RBFOX1: variants seen among roughly 807,000 people sequenced by gnomAD.
The protein encoded by RBFOX1 is RNA binding fox-1 homolog 1.
A neutral mutation model predicts 57.7 loss-of-function variants in RBFOX1; 8 were observed. The observed-to-expected ratio is 0.14, with a 90% CI of 0.08 to 0.25. The LOEUF (loss-of-function observed/expected upper bound fraction) is 0.25. RBFOX1 is among the 10% of genes least tolerant of loss of function. The pLI, the probability that RBFOX1 is intolerant of heterozygous loss-of-function variation, is 1.00. For synonymous variants in RBFOX1, 326 were observed against 222.4 expected (o/e 1.47, Z -4.15); for missense variants, 611 against 548.5 (o/e 1.11, Z -1.14).
chr16:6,359,613 C>A (rs981038019), intron 2 of RBFOX1, among the ~76,000 whole-genome samples: 2 of 152,148 alleles, frequency 1.3e-5, no homozygotes, highest in Non-Finnish European at 2.9e-5. Flanking sequence ...AGCACTTGAA[C>A]CAGAAAACAT....
At chr16:7,277,294 C>A (rs1433200835) in intron 4 of RBFOX1, among the ~76,000 whole-genome samples, 1 of 152,100 alleles carries the variant, frequency 6.6e-6, no homozygotes, top group African/African-American at 2.4e-5. Flanking sequence ...TGATATTCTA[C>A]TGCAATGCAT....
At chr16:7,001,678 A>C (rs1447666265) in intron 3 of RBFOX1, among the ~76,000 whole-genome samples, 1 of 151,990 alleles carries the variant, frequency 6.6e-6, no homozygotes, top group Non-Finnish European at 1.5e-5. Context: ...GGTGGTCTCA[A>C]ACTCCTGACC....
rs567435304 is a variant in RBFOX1, at chr16:5,695,755, C to A, written c.318+96794C>A. Among the ~76,000 whole-genome samples, 15 of 152,234 alleles carry A rather than the reference C, an allele frequency of 9.9e-5. 1 individual carries two copies. In the South Asian group the frequency reaches 1.5e-3, roughly 15 times the overall value. On this transcript the variant is annotated intron_variant, in intron 3 of 19. Coordinates refer to the RBFOX1 transcript ENST00000641259. ...CTAGTGGACAGCACAGGACTTAATA[C>A]TTGTAATACTTACTAGTTTTGTATA...
intron 3 of RBFOX1, among the ~76,000 whole-genome samples, chr16:6,838,951 A>C (rs75898082): frequency 6.6e-6 from 1 of 151,870 alleles, no homozygotes; most frequent in South Asian, 2.1e-4. Flanking sequence ...TTTTTTTAAG[A>C]AAAAATAAGG....
At chr16:6,602,654 G>C (rs772631113) in intron 2 of RBFOX1, among the ~76,000 whole-genome samples, 1 of 152,174 alleles carries the variant, frequency 6.6e-6, no homozygotes, top group African/African-American at 2.4e-5. Flanking sequence ...AGGTGGCCAG[G>C]TACTCACTGA....
At chr16:7,649,402 A>G (rs1425261227) in intron 11 of RBFOX1, among the ~76,000 whole-genome samples, 1 of 152,222 alleles carries the variant, frequency 6.6e-6, no homozygotes, top group Non-Finnish European at 1.5e-5. Flanking sequence ...TAGTAAACAT[A>G]ATCAATCTGT....
intron 4 of RBFOX1, among the ~76,000 whole-genome samples, chr16:7,366,777 G>C (rs1187040062): frequency 6.6e-6 from 1 of 151,982 alleles, no homozygotes; most frequent in African/African-American, 2.4e-5. Flanking sequence ...AACACATAAA[G>C]GGATTAAAGA....
intron 2 of RBFOX1, among the ~76,000 whole-genome samples, chr16:5,531,321 C>T (rs2044470075): frequency 6.6e-6 from 1 of 151,950 alleles, no homozygotes; most frequent in Non-Finnish European, 1.5e-5. Flanking sequence ...TTGTTAAATC[C>T]TGGGAAATTT....
At chr16:6,743,494 C>A (rs549306146) in intron 3 of RBFOX1, among the ~76,000 whole-genome samples, 1 of 152,154 alleles carries the variant, frequency 6.6e-6, no homozygotes, top group African/African-American at 2.4e-5. Flanking sequence ...GTAGTCCCAG[C>A]ACTTTGGGAG....
intron 14 of RBFOX1, among the ~76,000 whole-genome samples, chr16:7,685,712 A>C (rs1212572318): frequency 6.6e-6 from 1 of 152,138 alleles, no homozygotes; most frequent in African/African-American, 2.4e-5. Flanking sequence ...AATGCATTTA[A>C]AAATGTAAGG....
chr16:6,271,013 A>T (rs747290669), intron 1 of RBFOX1, among the ~76,000 whole-genome samples: 10 of 152,254 alleles, frequency 6.6e-5, no homozygotes, highest in Non-Finnish European at 1.5e-4. Context: ...GTGGAAATAC[A>T]TCACAATTTG....
intron 1 of RBFOX1, among the ~76,000 whole-genome samples, chr16:5,423,651 T>C (rs112110853): frequency 5.0e-4 from 76 of 152,304 alleles, no homozygotes; most frequent in Admixed American, 1.4e-3. Flanking sequence ...TGCTGTCTTA[T>C]TGATATAATA....
At chr16:6,149,490 G>A (rs142416993) in intron 1 of RBFOX1, among the ~76,000 whole-genome samples, 1 of 152,310 alleles carries the variant, frequency 6.6e-6, no homozygotes, top group African/African-American at 2.4e-5. Flanking sequence ...TTCCGTGATG[G>A]GACATGCATT....
chr16:6,346,093 G>C (rs1206992913), intron 2 of RBFOX1, among the ~76,000 whole-genome samples: 1 of 152,162 alleles, frequency 6.6e-6, no homozygotes, highest in Non-Finnish European at 1.5e-5. Context: ...ACTTTGAATA[G>C]AATGGGAGGC....
chr16:6,731,440 A>C (rs909623449), intron 3 of RBFOX1, among the ~76,000 whole-genome samples: 3 of 152,174 alleles, frequency 2.0e-5, no homozygotes, highest in African/African-American at 7.2e-5. Flanking sequence ...TCTGTCCTTC[A>C]TCCTGTGGGT....
At chr16:7,537,608 G>A (rs1340020900) in intron 5 of RBFOX1, among the ~76,000 whole-genome samples, 1 of 152,154 alleles carries the variant, frequency 6.6e-6, no homozygotes, top group Non-Finnish European at 1.5e-5. Flanking sequence ...ATCGTAAAAA[G>A]ATCTACCTGG....
intron 3 of RBFOX1, among the ~76,000 whole-genome samples, chr16:6,667,232 C>T (rs1162200007): frequency 6.6e-6 from 1 of 152,114 alleles, no homozygotes; most frequent in East Asian, 1.9e-4. Context: ...AGCTGCTGGG[C>T]ACCCTCAGCA....
rs115248248 is a variant in RBFOX1, at chr16:6,484,827, A to G, written c.-64+167770A>G. 3.9e-3 allele frequency among the ~76,000 whole-genome samples: 589 copies of G among 152,358 alleles called. 2 individuals carry two copies. Among genetic ancestry groups the G allele is most frequent in the East Asian group, 0.024 (123 of 5,176 alleles). Reference sequence around the variant, plus strand: ...AAAGAGTCACTTTCTGAGTGTCTTCACGTAGAAGAATTTACTCATTGTTGA... The same window carrying G: ...AAAGAGTCACTTTCTGAGTGTCTTCGCGTAGAAGAATTTACTCATTGTTGA... On this transcript the variant is annotated intron_variant, in intron 2 of 15. Transcript: ENST00000550418.
At chr16:6,225,016 T>A (rs1316004575) in intron 1 of RBFOX1, among the ~76,000 whole-genome samples, 4 of 48,276 alleles carry the variant, frequency 8.3e-5, no homozygotes, top group Non-Finnish European at 1.1e-4. Flanking sequence ...CAAAACTCCA[T>A]CTCAAAAAAA....
Sources: allele counts gnomAD v4.1 joint callset (sites outside exome capture counted in the v4.1 genomes callset), GRCh38; gene constraint gnomAD v4.1.1; transcripts MANE v1.5; gene names NCBI Gene and HGNC (gene_info 2026-07-23, HGNC 2026-07-21).